Variants in SLC44A5 observed in about 807,000 individuals in gnomAD.
SLC44A5 encodes choline transporter-like protein 5.
In SLC44A5, 57 loss-of-function variants were observed where a neutral mutation model predicts 101.8. The observed-to-expected ratio is 0.56, with a 90% CI of 0.45 to 0.70. The LOEUF is 0.70. Among genes scored for constraint, SLC44A5 ranks in the 30% least tolerant of loss-of-function variants. SLC44A5 has a pLI of 0.00. For synonymous variants in SLC44A5, 281 were observed against 290.9 expected (o/e 0.97, Z 0.35); for missense variants, 737 against 853.1 (o/e 0.86, Z 1.70).
At position 75,339,628 on chromosome 1, in the gene SLC44A5, C is replaced by A. The variant is rs774005492; in HGVS notation, c.55G>T (p.Asp19Tyr). 6.2e-7 allele frequency: 1 copy of A among 1,607,134 alleles called. No individual in the cohort carries two copies. The highest frequency in any genetic ancestry group is 8.5e-7 in the Non-Finnish European group (1 of 1,176,732). Residue 19 changes from aspartate (D) to tyrosine (Y), a missense_variant and splice_region_variant, in exon 4 of 24, where the codon GAT becomes TAT. By Grantham distance (160) the Asp-to-Tyr change is radical. Around this residue, in one of 3 missense-constraint regions of SLC44A5, gnomAD observed 665 missense variants for 764.4 expected, o/e 0.87. Coordinates refer to ENST00000370859, the MANE Select transcript of SLC44A5 (RefSeq NM_001130058.2). ...AAATCTGGGTCATATGTCCTTGGATCACCTGCATTTAAAACAAAGACATTT... is the reference window on the plus strand; with the variant it reads ...AAATCTGGGTCATATGTCCTTGGATAACCTGCATTTAAAACAAAGACATTT... ...DTPSEEEDFG[D>Y]PRTYDPDFKG...
chr1:75,566,601 T>C (rs1672797098), intron 1 of SLC44A5, among the ~76,000 whole-genome samples: 1 of 152,244 alleles, frequency 6.6e-6, no homozygotes, highest in South Asian at 2.1e-4. Flanking sequence ...CAAACATGTA[T>C]ATGCATTTGA....
intron 4 of SLC44A5, among the ~76,000 whole-genome samples, chr1:75,326,095 CGTGTGTGTGTGTGT>C (rs58294702): frequency 7.1e-6 from 1 of 140,310 alleles, no homozygotes; most frequent in Non-Finnish European, 1.6e-5. Flanking sequence ...TCTCTCTCTC[CGTGTGTGTGTGTGT>C]GTGTGTGTGT....
At position 75,536,631 on chromosome 1, in the gene SLC44A5, G is replaced by GAAAAAAAA. The variant is rs150362895; in HGVS notation, c.13+4796_13+4803dup. ...AAAAAAAAAAAGAAAAGAAAAGAAA[G>GAAAAAAAA]AAAAAAAAAGCCTGGCCCATGATAA... On this transcript the variant is annotated intron_variant, in intron 2 of 23. Transcript: ENST00000370859. 6.3e-5 allele frequency among the ~76,000 whole-genome samples: 8 copies of GAAAAAAAA among 126,722 alleles called. No individual in the cohort carries two copies. The South Asian group carries it at 7.2e-4, about 11-fold the overall frequency. 83.1% of individuals were successfully genotyped at this position (126,722 alleles called of 152,430 possible).
intron 2 of SLC44A5, among the ~76,000 whole-genome samples, chr1:75,513,183 A>G (rs534353741): frequency 6.6e-6 from 1 of 152,354 alleles, no homozygotes; most frequent in East Asian, 1.9e-4. Context: ...AACAGAAGGG[A>G]TAAGTCCAAT....
intron 2 of SLC44A5, among the ~76,000 whole-genome samples, chr1:75,416,720 C>T (rs1409475503): frequency 6.6e-6 from 1 of 152,214 alleles, no homozygotes; most frequent in Non-Finnish European, 1.5e-5. Flanking sequence ...TGGGAACCCA[C>T]CTCTTGCATC....
intron 7 of SLC44A5, among the ~76,000 whole-genome samples, chr1:75,245,193 C>T (rs147473403): frequency 1.2e-4 from 19 of 152,226 alleles, no homozygotes; most frequent in Middle Eastern, 3.4e-3. Context: ...CACATCCACA[C>T]CTCCACATGT....
At chr1:75,459,075 C>T (rs541169009) in intron 2 of SLC44A5, among the ~76,000 whole-genome samples, 15 of 152,076 alleles carry the variant, frequency 9.9e-5, no homozygotes, top group African/African-American at 2.7e-4. Flanking sequence ...GGGATAGTGC[C>T]CCGGAGAAAT....
intron 2 of SLC44A5, among the ~76,000 whole-genome samples, chr1:75,410,444 G>C (rs1484623222): frequency 6.6e-6 from 1 of 151,948 alleles, no homozygotes; most frequent in Non-Finnish European, 1.5e-5. Flanking sequence ...AAAGATTAAG[G>C]GTTCATTGAA....
At chr1:75,336,780 T>C (rs554777140) in intron 4 of SLC44A5, among the ~76,000 whole-genome samples, 4 of 151,998 alleles carry the variant, frequency 2.6e-5, no homozygotes, top group African/African-American at 9.6e-5. Flanking sequence ...TGACACAGCA[T>C]ACTTGGATCC....
intron 6 of SLC44A5, among the ~76,000 whole-genome samples, chr1:75,260,816 C>A (rs796836232): frequency 1.3e-5 from 2 of 152,162 alleles, no homozygotes; most frequent in African/African-American, 4.8e-5. Flanking sequence ...GAAATCATAA[C>A]AAACAGTCTC....
At chr1:75,318,919 G>T (rs188244716) in intron 4 of SLC44A5, among the ~76,000 whole-genome samples, 20 of 152,160 alleles carry the variant, frequency 1.3e-4, no homozygotes, top group African/African-American at 4.8e-4. Context: ...TTTCAAATAT[G>T]CAGTTCAAAT....
intron 5 of SLC44A5, among the ~76,000 whole-genome samples, chr1:75,277,573 G>C (rs1190019854): frequency 6.6e-6 from 1 of 152,060 alleles, no homozygotes; most frequent in Non-Finnish European, 1.5e-5. Flanking sequence ...GGGAAAACAA[G>C]GACATCAGCT....
At chr1:75,322,626 C>T (rs1656252007) in intron 4 of SLC44A5, among the ~76,000 whole-genome samples, 1 of 152,134 alleles carries the variant, frequency 6.6e-6, no homozygotes, top group African/African-American at 2.4e-5. Flanking sequence ...GGATTTAGAA[C>T]CAGTCTCAAC....
intron 4 of SLC44A5, among the ~76,000 whole-genome samples, chr1:75,322,378 A>T (rs1181926928): frequency 6.7e-6 from 1 of 150,350 alleles, no homozygotes; most frequent in Non-Finnish European, 1.5e-5. Flanking sequence ...ATACATCCTT[A>T]TTATTTGCTC....
chr1:75,553,902 AGG>A (rs1672077903), intron 1 of SLC44A5, among the ~76,000 whole-genome samples: 1 of 151,956 alleles, frequency 6.6e-6, no homozygotes, highest in African/African-American at 2.4e-5. Flanking sequence ...GAGGAGGAGG[AGG>A]AGGAGGAGGA....
At chr1:75,493,176 T>C (rs1215925341) in intron 2 of SLC44A5, among the ~76,000 whole-genome samples, 1 of 152,144 alleles carries the variant, frequency 6.6e-6, no homozygotes, top group Non-Finnish European at 1.5e-5. Context: ...GTTGAGTTAA[T>C]AAAGCCCCTA....
chr1:75,274,182 T>A (rs1310577762), intron 6 of SLC44A5, among the ~76,000 whole-genome samples: 2 of 152,092 alleles, frequency 1.3e-5, no homozygotes, highest in East Asian at 1.9e-4. Flanking sequence ...CTTTGGGGTT[T>A]TTTTTTTAAC....
At chr1:75,389,734 T>C (rs547994328) in intron 3 of SLC44A5, among the ~76,000 whole-genome samples, 161 of 152,226 alleles carry the variant, frequency 1.1e-3, no homozygotes, top group South Asian at 1.9e-3. Context: ...ATTAACAATC[T>C]AATATCACAC....
chr1:75,220,182 G>C (rs889217044), intron 14 of SLC44A5, among the ~76,000 whole-genome samples: 5 of 151,770 alleles, frequency 3.3e-5, no homozygotes, highest in Non-Finnish European at 5.9e-5. Context: ...TCTTCCTTTC[G>C]TTTAGATTCT....
Sources: allele counts gnomAD v4.1 joint callset (sites outside exome capture counted in the v4.1 genomes callset), GRCh38; gene constraint gnomAD v4.1.1; regional missense constraint gnomAD v4.1.1; transcripts MANE v1.5; gene names NCBI Gene and HGNC (gene_info 2026-07-23, HGNC 2026-07-21).